GBE1: variants seen among roughly 807,000 people sequenced by gnomAD.
GBE1 encodes 1,4-alpha-glucan branching enzyme 1.
A neutral mutation model predicts 88.8 loss-of-function variants in GBE1; 70 were observed. The observed-to-expected ratio is 0.79, with a 90% confidence interval of 0.65 to 0.96. GBE1 has a LOEUF of 0.96. Among genes scored for constraint, GBE1 ranks in the 40% least tolerant of loss-of-function variants. The probability of loss-of-function intolerance (pLI) is 0.00; values close to 1 mark genes in which losing one functional copy is unlikely to be tolerated. For synonymous variants in GBE1, 284 were observed against 300.1 expected, an observed-to-expected ratio of 0.95 and a Z score of 0.56; for missense variants, 872 against 871.0, an observed-to-expected ratio of 1.00 and a Z score of -0.01.
chr3:81,490,746 G>C (rs956289464), intron 15 of GBE1, among the ~76,000 whole-genome samples: 3 of 152,034 alleles, frequency 2.0e-5, no homozygotes, highest in Admixed American at 2.0e-4. Flanking sequence ...GCCATGTTGA[G>C]GCTGTATTAG....
intron 2 of GBE1, among the ~76,000 whole-genome samples, chr3:81,678,186 T>C (rs1239693272): frequency 1.3e-5 from 2 of 152,190 alleles, no homozygotes; most frequent in Non-Finnish European, 2.9e-5. Flanking sequence ...CAAACCTGTA[T>C]GACATGTTAT....
chr3:81,624,310 A>C (rs2107019181), intron 7 of GBE1, among the ~76,000 whole-genome samples: 1 of 152,270 alleles, frequency 6.6e-6, no homozygotes, highest in African/African-American at 2.4e-5. Context: ...TGACACGTGG[A>C]GATTATGGGG....
chr3:81,646,269 G>C, intron 6 of GBE1, 123 bp downstream of exon 6: 1 of 657,500 alleles, frequency 1.5e-6, no homozygotes, highest in Non-Finnish European at 2.7e-6. Flanking sequence ...AAAATGTTCA[G>C]CTTCTATTAA....
chr3:81,535,024 G>T, intron 14 of GBE1, 171 bp downstream of exon 14: 1 of 624,692 alleles, frequency 1.6e-6, no homozygotes, highest in Non-Finnish European at 2.7e-6. Flanking sequence ...CAGTATAACT[G>T]AGTCGAGCAA....
At chr3:81,593,750 C>T (rs995218237) in intron 8 of GBE1, among the ~76,000 whole-genome samples, 158 bp downstream of exon 8, 8 of 152,048 alleles carry the variant, frequency 5.3e-5, no homozygotes, top group African/African-American at 1.7e-4. Context: ...CTTTTGTTTA[C>T]TTATAAAATG....
At chr3:81,758,251 T>C (rs147235630) in intron 1 of GBE1, among the ~76,000 whole-genome samples, 23 of 152,350 alleles carry the variant, frequency 1.5e-4, no homozygotes, top group African/African-American at 5.5e-4. Context: ...AAATACCGGA[T>C]CTGAAAGTAC....
rs758425725 is a variant in GBE1, at chr3:81,649,816, C to A, written c.535G>T (p.Asp179Tyr). ...CTCACCTCATATGAGTGTTCTGGAT[C>A]CCAGTGTATCCAATCATAATTCACA... ...DNVNYDWIHW[D>Y]PEHSYEFKHS... Residue 179 changes from aspartate (D) to tyrosine (Y), a missense_variant, in exon 4 of 16, where the codon GAT becomes TAT. Physicochemically the swap from Asp to Tyr is radical, Grantham distance 160. Coordinates refer to ENST00000429644, the MANE Select transcript of GBE1 (RefSeq NM_000158.4). 1 of 1,608,520 alleles carries A rather than the reference C, an allele frequency of 6.2e-7. No homozygotes were observed.
intron 10 of GBE1, among the ~76,000 whole-genome samples, chr3:81,584,492 T>C (rs1379349438): frequency 1.3e-5 from 2 of 152,080 alleles, no homozygotes; most frequent in African/African-American, 4.8e-5. Context: ...TGTAATACTA[T>C]TTTAACTTTA....
At chr3:81,562,903 T>A (rs1187147150) in intron 12 of GBE1, among the ~76,000 whole-genome samples, 1 of 151,754 alleles carries the variant, frequency 6.6e-6, no homozygotes, top group South Asian at 2.1e-4. Context: ...CAAGTTGGGA[T>A]GGAGAAGTAA....
At chr3:81,669,095 T>C (rs897265056) in intron 3 of GBE1, among the ~76,000 whole-genome samples, 3 of 152,162 alleles carry the variant, frequency 2.0e-5, no homozygotes, top group African/African-American at 7.2e-5. Flanking sequence ...GGTGATAGAC[T>C]GTAGTGTAAC....
Position 81,530,248 on chromosome 3 carries a change from G to T in GBE1, c.1934+4947C>A, listed in dbSNP as rs80213116. On this transcript the variant is annotated intron_variant, in intron 14 of 15. Transcript: ENST00000429644. ...TTCTCTGTTAAATTGCATTTCACGA[G>T]CTTCCTCAAAATTGCTATTTCATTT... is the stretch of plus-strand genomic sequence containing the variant. 4.2e-3 allele frequency among the ~76,000 whole-genome samples: 630 copies of T among 151,416 alleles called. 6 individuals are homozygous for T. The highest frequency in any genetic ancestry group is 0.024 in the Middle Eastern group (7 of 288).
At chr3:81,679,125 C>T (rs1238578269) in intron 2 of GBE1, among the ~76,000 whole-genome samples, 1 of 151,968 alleles carries the variant, frequency 6.6e-6, no homozygotes, top group Non-Finnish European at 1.5e-5. Flanking sequence ...AACCTTATCT[C>T]TATTATTCTA....
intron 3 of GBE1, among the ~76,000 whole-genome samples, chr3:81,657,646 G>T (rs1347309882): frequency 1.3e-5 from 2 of 152,040 alleles, no homozygotes; most frequent in Non-Finnish European, 2.9e-5. Flanking sequence ...GGCTACAAAT[G>T]ACATTATATA....
intron 3 of GBE1, among the ~76,000 whole-genome samples, chr3:81,666,421 C>T (rs1705115220): frequency 6.6e-6 from 1 of 152,168 alleles, no homozygotes; most frequent in Non-Finnish European, 1.5e-5. Flanking sequence ...AACTGACTCT[C>T]TTCAACTAAA....
intron 12 of GBE1, among the ~76,000 whole-genome samples, chr3:81,546,699 G>A (rs551608638): frequency 6.6e-6 from 1 of 151,468 alleles, no homozygotes; most frequent in Non-Finnish European, 1.5e-5. Context: ...GTCTAAAAGT[G>A]GGAGGCATGA....
chr3:81,561,047 G>C (rs968177790), intron 12 of GBE1, among the ~76,000 whole-genome samples: 13 of 151,888 alleles, frequency 8.6e-5, no homozygotes, highest in African/African-American at 2.7e-4. Context: ...GATGAATCAG[G>C]TGGCAATTTT....
At chr3:81,704,398 A>T (rs1288304084) in intron 2 of GBE1, among the ~76,000 whole-genome samples, 1 of 152,008 alleles carries the variant, frequency 6.6e-6, no homozygotes, top group Non-Finnish European at 1.5e-5. Flanking sequence ...AATGTTGATA[A>T]ATTCATACAA....
chr3:81,690,345 A>G (rs2107143234), intron 2 of GBE1, among the ~76,000 whole-genome samples: 1 of 152,346 alleles, frequency 6.6e-6, no homozygotes, highest in African/African-American at 2.4e-5. Context: ...TGAATAAACT[A>G]TATCTCAGTT....
chr3:81,748,257 A>G (rs1226042967), intron 1 of GBE1, among the ~76,000 whole-genome samples: 1 of 152,248 alleles, frequency 6.6e-6, no homozygotes, highest in Non-Finnish European at 1.5e-5. Flanking sequence ...GTAATTAGGC[A>G]TTAGAAAAAT....
Sources: gnomAD v4.1 joint callset for allele counts (sites outside exome capture counted in the v4.1 genomes callset) on GRCh38, gnomAD v4.1.1 for gene constraint, MANE v1.5 for transcripts, NCBI Gene and HGNC (gene_info 2026-07-23, HGNC 2026-07-21) for gene names.